Variants in CUL1 observed in about 807,000 individuals in gnomAD.
CUL1 encodes the protein cullin 1.
A neutral mutation model predicts 118.0 loss-of-function variants in CUL1; 24 were observed. The observed-to-expected ratio is 0.20, with a 90% confidence interval of 0.15 to 0.29. The LOEUF (loss-of-function observed/expected upper bound fraction) is 0.29. Among genes scored for constraint, CUL1 ranks in the 10% least tolerant of loss-of-function variants. The pLI, the probability that CUL1 is intolerant of heterozygous loss-of-function variation, is 1.00. For synonymous variants in CUL1, 332 were observed against 340.4 expected, an observed-to-expected ratio of 0.98 and a Z score of 0.27; for missense variants, 361 against 933.8, an observed-to-expected ratio of 0.39 and a Z score of 7.99.
chr7:148,759,172 G>C (rs1215978783), intron 4 of CUL1, 132 bp from the exon 5 acceptor site: 1 of 783,344 alleles, frequency 1.3e-6, no homozygotes, highest in Non-Finnish European at 2.1e-6. Flanking sequence ...CTTTTGTCCT[G>C]ATAGCAGATT....
intron 1 of CUL1, among the ~76,000 whole-genome samples, chr7:148,725,246 C>CACACACACACAA (rs1349906501): frequency 6.6e-6 from 1 of 151,944 alleles, no homozygotes; most frequent in African/African-American, 2.4e-5. Context: ...CACACACACA[C>CACACACACACAA]ACCCGTACCC....
chr7:148,770,731 C>T (rs1037673319), intron 9 of CUL1, among the ~76,000 whole-genome samples: 9 of 152,130 alleles, frequency 5.9e-5, no homozygotes, highest in African/African-American at 2.2e-4. Context: ...GTGCCCGGGC[C>T]ATAGCCTGGC....
At chr7:148,704,302 G>A (rs143394532) in intron 1 of CUL1, among the ~76,000 whole-genome samples, 5 of 152,026 alleles carry the variant, frequency 3.3e-5, no homozygotes, top group East Asian at 1.9e-4. Flanking sequence ...TTTAATTGGC[G>A]TAGATTAAAA....
rs1800858685 is a variant in CUL1, at chr7:148,787,565, C to A, written c.1479+445C>A. 6.6e-6 allele frequency among the ~76,000 whole-genome samples: 1 copy of A among 152,158 alleles called. No individual in the cohort carries two copies. The highest frequency in any genetic ancestry group is 2.1e-4 in the South Asian group (1 of 4,824). Reference sequence around the variant, plus strand: ...GCTCTGCCACTGCTCTTCTGAAAGCCTCCCACAACTATCACTCTACTCTCG... The same window carrying A: ...GCTCTGCCACTGCTCTTCTGAAAGCATCCCACAACTATCACTCTACTCTCG... On this transcript the variant is annotated intron_variant, in intron 13 of 21. Coordinates refer to ENST00000325222, the MANE Select transcript of CUL1 (RefSeq NM_003592.3). This position sits in a 1 kb window ranked among gnomAD's most constrained non-coding sequence, Gnocchi z 5.5.
At chr7:148,734,488 C>T (rs574984202) in intron 2 of CUL1, among the ~76,000 whole-genome samples, 1 of 152,340 alleles carries the variant, frequency 6.6e-6, no homozygotes, top group South Asian at 2.1e-4. Flanking sequence ...AAGTTATCCG[C>T]CCACCTGGGC....
intron 14 of CUL1, 134 bp downstream of exon 14, chr7:148,788,808 C>T (rs756885786): frequency 1.1e-4 from 77 of 673,842 alleles, no homozygotes; most frequent in Non-Finnish European, 1.8e-4. Context: ...GGAGATTCCT[C>T]CCAAATGCCC....
rs1799759168 is a variant in CUL1 at position 148,759,201 on chromosome 7, A to G, written c.484-103A>G. On this transcript the variant is annotated intron_variant, in intron 4 of 21. Coordinates refer to ENST00000325222, the MANE Select transcript of CUL1 (RefSeq NM_003592.3). The stretch of plus-strand genomic sequence containing the variant: ...GCAGATTTTGACCAACTTGTAATCT[A>G]GAAATTTTGATAAAGTAATTTGAGA... 3 of 1,164,676 alleles carry G rather than the reference A, an allele frequency of 2.6e-6. No individual in the cohort carries two copies. The Admixed American group carries it at 5.7e-5, about 22-fold the overall frequency. 72.1% of individuals were successfully genotyped at this position (1,164,676 alleles called of 1,614,324 possible).
Position 148,770,818 on chromosome 7 carries a change from A to C in CUL1, c.1083+3069A>C, listed in dbSNP as rs569103391. ...AAACAAATACTTTTAAATAGGTTTT[A>C]GTTTTTATCATTTATGTGGTAAATG... On this transcript the variant is annotated intron_variant, in intron 9 of 21. Coordinates refer to ENST00000325222, the MANE Select transcript of CUL1 (RefSeq NM_003592.3). 7.9e-5 allele frequency among the ~76,000 whole-genome samples: 12 copies of C among 152,358 alleles called. 1 individual carries two copies. The East Asian group carries it at 2.3e-3, about 29-fold the overall frequency.
chr7:148,699,061 AGGT>A (rs1474213463), intron 1 of CUL1, 32 bp downstream of exon 1: 1 of 150,780 alleles, frequency 6.6e-6, no homozygotes, highest in Non-Finnish European at 1.4e-5. Flanking sequence ...GGCCGAGAGG[AGGT>A]GGCGGCGGCG....
intron 17 of CUL1, among the ~76,000 whole-genome samples, chr7:148,793,398 A>G (rs762812640): frequency 6.6e-6 from 1 of 152,206 alleles, no homozygotes; most frequent in Non-Finnish European, 1.5e-5. Flanking sequence ...AACTACCACC[A>G]TTATCCAATT....
intron 20 of CUL1, 55 bp from the exon 21 acceptor site, chr7:148,799,220 A>G (rs891822052): frequency 3.4e-5 from 47 of 1,379,614 alleles, no homozygotes; most frequent in South Asian, 3.0e-4. Context: ...TTAACTATCA[A>G]TACAACGTTG....
At chr7:148,759,400 C>T (rs753650600) in intron 5 of CUL1, 46 bp downstream of exon 5, 46 of 1,595,906 alleles carry the variant, frequency 2.9e-5, no homozygotes, top group Middle Eastern at 1.7e-4. Context: ...AAAATCCCTT[C>T]GCAGTTTCGT....
chr7:148,763,951 A>G (rs1237760770), intron 7 of CUL1, among the ~76,000 whole-genome samples: 5 of 152,234 alleles, frequency 3.3e-5, no homozygotes, highest in African/African-American at 4.8e-5. Flanking sequence ...TACAGGAAAC[A>G]TCTAAGAATA....
At chr7:148,699,708 G>T (rs927638600) in intron 1 of CUL1, among the ~76,000 whole-genome samples, 1 of 152,078 alleles carries the variant, frequency 6.6e-6, no homozygotes, top group Non-Finnish European at 1.5e-5. Context: ...GCGGGCCGGG[G>T]CATGCGCGCA....
Position 148,736,877 on chromosome 7 carries a change from A to C in CUL1, c.140+6615A>C, listed in dbSNP as rs553756560. 3.9e-5 allele frequency among the ~76,000 whole-genome samples: 6 copies of C among 152,372 alleles called. No individual in the cohort carries two copies. The East Asian group carries it at 1.2e-3, about 29-fold the overall frequency. On this transcript the variant is annotated intron_variant, in intron 2 of 21. Coordinates refer to ENST00000325222, the MANE Select transcript of CUL1 (RefSeq NM_003592.3). ...GGTATGTGAATTGTGAACCATCAGC[A>C]CATGCTCCTGCTTTTGAAAAAGTTT...
chr7:148,712,837 C>T lies in CUL1; in HGVS notation c.-162+13808C>T, dbSNP rs188102990. 3.9e-3 allele frequency among the ~76,000 whole-genome samples: 587 copies of T among 152,304 alleles called. 2 individuals are homozygous for T. Among genetic ancestry groups the T allele is most frequent in the Admixed American group, 8.4e-3 (129 of 15,298 alleles). On this transcript the variant is annotated intron_variant, in intron 1 of 21. Transcript: ENST00000325222. ...CTGTGAAGTTCACAGACATCCCACG[C>T]ATTTCCATATTAGCTGTTTGCAATT...
intron 2 of CUL1, 68 bp downstream of exon 2, chr7:148,730,330 T>C (rs1798717801): frequency 1.4e-6 from 2 of 1,469,474 alleles, no homozygotes; most frequent in South Asian, 2.7e-5. Context: ...ACTTATGAAT[T>C]ATTAGAATTT....
intron 21 of CUL1, 61 bp downstream of exon 21, chr7:148,799,449 AAAAAGTGG>A (rs1214867460): frequency 8.7e-7 from 1 of 1,152,920 alleles, no homozygotes; most frequent in Non-Finnish European, 1.3e-6. Context: ...AAGATGTAGC[AAAAAGTGG>A]ATTGATTGCT....
chr7:148,795,769 C>G (rs926450271), intron 17 of CUL1, among the ~76,000 whole-genome samples: 5 of 56,072 alleles, frequency 8.9e-5, no homozygotes, highest in African/African-American at 1.9e-4. Flanking sequence ...GACTCTGTCT[C>G]AAAAAAAAAA....
Sources: allele counts gnomAD v4.1 joint callset (sites outside exome capture counted in the v4.1 genomes callset), GRCh38; gene constraint gnomAD v4.1.1; non-coding constraint Gnocchi (gnomAD v3.1); transcripts MANE v1.5; gene names NCBI Gene and HGNC (gene_info 2026-07-23, HGNC 2026-07-21).